SEMA4B: variants seen among roughly 807,000 people sequenced by gnomAD.
SEMA4B encodes semaphorin 4B, also known as semaphorin-4B.
SEMA4B carries 55 observed loss-of-function variants against 88.1 expected under a neutral mutation model. The ratio of observed to expected loss-of-function variants is 0.62; its 90% CI spans 0.50 to 0.78. The LOEUF is 0.78. Ranked by LOEUF, SEMA4B falls within the 30% of genes least tolerant of loss-of-function variation. SEMA4B has a pLI of 0.00. For synonymous variants in SEMA4B, 525 were observed against 473.6 expected (o/e 1.11, Z -1.41); for missense variants, 1,062 against 1,111.9 (o/e 0.96, Z 0.64).
intron 1 of SEMA4B, among the ~76,000 whole-genome samples, chr15:90,188,342 AAGT>A (rs761917384): frequency 2.7e-5 from 4 of 149,152 alleles, no homozygotes; most frequent in Non-Finnish European, 4.4e-5. Context: ...AATAAAATAA[AAGT>A]AGCCAGGCGA....
chr15:90,224,175 C>T (rs1962022885), intron 9 of SEMA4B, among the ~76,000 whole-genome samples, 187 bp downstream of exon 9: 1 of 152,200 alleles, frequency 6.6e-6, no homozygotes, highest in Non-Finnish European at 1.5e-5. Context: ...GTATGAATGT[C>T]AGAATATCTT....
chr15:90,225,091 C>T lies in SEMA4B; in HGVS notation c.1318C>T (p.Leu440=), dbSNP rs1962078165. ...GCAGGTCCGAAGCCGCATGCTGCTG[C>T]TGCAGCCCCAGGCTCGCTACCAGCG... is the stretch of plus-strand genomic sequence containing the variant. ...DGQVRSRMLL[L]QPQARYQRVA... Residue 440 remains leucine (L), a synonymous_variant, in exon 10 of 14, where the codon CTG becomes TTG. Transcript: ENST00000411539. The T allele has an allele frequency of 1.2e-6, 2 of 1,613,700 alleles. No individual in the cohort carries two copies. Among genetic ancestry groups the T allele is most frequent in the Non-Finnish European group, 8.5e-7 (1 of 1,179,878 alleles).
chr15:90,225,605 G>A lies in SEMA4B; in HGVS notation c.1522-56G>A. 14 of 1,533,348 alleles carry A rather than the reference G, an allele frequency of 9.1e-6. No individual in the cohort carries two copies. In the South Asian group the frequency reaches 1.2e-4, roughly 13 times the overall value. 95.0% of individuals were successfully genotyped at this position (1,533,348 alleles called of 1,614,324 possible). ...GGAGGCATACAAGCCGGGTGGCCATGGGTGATGGCCCTGGCTGCCCATGCC... is the reference window on the plus strand; with the variant it reads ...GGAGGCATACAAGCCGGGTGGCCATAGGTGATGGCCCTGGCTGCCCATGCC... On this transcript the variant is annotated intron_variant, in intron 11 of 13. Coordinates refer to ENST00000411539, the MANE Select transcript of SEMA4B (RefSeq NM_198925.4).
chr15:90,189,515 A>G (rs1310741069), intron 1 of SEMA4B, among the ~76,000 whole-genome samples: 3 of 152,224 alleles, frequency 2.0e-5, no homozygotes, highest in African/African-American at 7.2e-5. Context: ...AATTTGGCAC[A>G]ATCCTCACTT....
At chr15:90,215,020 T>C (rs1961464691) in intron 1 of SEMA4B, 1 of 1,258,420 alleles carries the variant, frequency 7.9e-7, no homozygotes, top group Admixed American at 2.5e-5. Flanking sequence ...TTGCACTTTT[T>C]GCTTCCTCAG....
At chr15:90,221,292 G>T (rs1961822833) in intron 5 of SEMA4B, 75 bp from the exon 6 acceptor site, 1 of 1,336,870 alleles carries the variant, frequency 7.5e-7, no homozygotes, top group South Asian at 1.3e-5. Flanking sequence ...GCAGTGCTGG[G>T]GTCACTCTGG....
chr15:90,224,882 G>T, intron 9 of SEMA4B, 86 bp from the exon 10 acceptor site: 1 of 1,132,232 alleles, frequency 8.8e-7, no homozygotes, highest in East Asian at 2.4e-5. Flanking sequence ...GACAGACACC[G>T]CTACTGTCCA....
In SEMA4B at chr15:90,201,598, G is replaced by T. The variant is rs1249340297; in HGVS notation, c.20G>T (p.Gly7Val). 2.0e-6 allele frequency: 3 copies of T among 1,516,998 alleles called. No homozygotes were observed. Among genetic ancestry groups the T allele is most frequent in the Non-Finnish European group, 1.8e-6 (2 of 1,140,074 alleles). The allele number at this position is 1,516,998 out of a possible 1,614,324, so 94.0% of individuals were successfully genotyped here. Residue 7 changes from glycine to valine, a missense_variant, in exon 1 of 14, where the codon GGC becomes GTC. Coordinates refer to ENST00000411539, the MANE Select transcript of SEMA4B (RefSeq NM_198925.4). MLRTAM[G>V]LRSWLAAPWG... Reference sequence around the variant, plus strand: ...CTCCGAATGCTGCGCACCGCGATGGGCCTGAGGAGCTGGCTCGCCGCCCCA... The same window carrying T: ...CTCCGAATGCTGCGCACCGCGATGGTCCTGAGGAGCTGGCTCGCCGCCCCA...
At chr15:90,185,968 C>T (rs765073052) in intron 1 of SEMA4B, among the ~76,000 whole-genome samples, 2 of 109,764 alleles carry the variant, frequency 1.8e-5, no homozygotes, top group African/African-American at 7.1e-5. Context: ...GAGTCTTGCT[C>T]TATCCTCCAG....
intron 1 of SEMA4B, among the ~76,000 whole-genome samples, chr15:90,186,488 G>C (rs1055902542): frequency 1.3e-5 from 2 of 151,936 alleles, no homozygotes; most frequent in Non-Finnish European, 2.9e-5. Context: ...GCATGGTGGC[G>C]CATGCCTGTA....
chr15:90,228,347 C>T lies in SEMA4B; in HGVS notation c.2218C>T (p.His740Tyr), dbSNP rs1238931386. 6.2e-6 allele frequency: 10 copies of T among 1,601,444 alleles called. No homozygotes were observed. The highest frequency in any genetic ancestry group is 8.5e-6 in the Non-Finnish European group (10 of 1,173,418). Residue 740 changes from histidine to tyrosine, a missense_variant, in exon 14 of 14, where the codon CAC becomes TAC. His to Tyr is a moderately conservative substitution (Grantham distance 83). Coordinates refer to ENST00000411539, the MANE Select transcript of SEMA4B (RefSeq NM_198925.4). ...CCCAGTTTTATTCTTGCTCTACCGG[C>T]ACCGGAACAGCATGAAAGTCTTCCT... ...LLPVLFLLYR[H>Y]RNSMKVFLKQ...
rs1962333716 is a variant in SEMA4B, at chr15:90,228,611, C to A, written c.2482C>A (p.Leu828Ile). Residue 828 changes from leucine (L) to isoleucine (I), a missense_variant, in exon 14 of 14, where the codon CTT (leucine) becomes ATT (isoleucine). Coordinates refer to ENST00000411539, the MANE Select transcript of SEMA4B (RefSeq NM_198925.4). Reference sequence around the variant, plus strand: ...AGTGTGCCCCCGGCCCCGGGTCCGCCTTGGCTCGGAGATCCGTGACTCTGT... The same window carrying A: ...AGTGTGCCCCCGGCCCCGGGTCCGCATTGGCTCGGAGATCCGTGACTCTGT... ...SPVCPRPRVR[L>I]GSEIRDSVV 6.2e-7 allele frequency: 1 copy of A among 1,613,456 alleles called. No homozygotes were observed. Among genetic ancestry groups the A allele is most frequent in the South Asian group, 1.1e-5 (1 of 91,090 alleles).
intron 3 of SEMA4B, 160 bp downstream of exon 3, chr15:90,217,989 A>G: frequency 1.6e-6 from 1 of 615,158 alleles, no homozygotes. Context: ...TCCCAGCACT[A>G]CACTTACATC....
chr15:90,226,120 G>A (rs562807060), intron 12 of SEMA4B, among the ~76,000 whole-genome samples: 99 of 152,268 alleles, frequency 6.5e-4, no homozygotes, highest in Non-Finnish European at 1.1e-3. Context: ...TTTAGTAATA[G>A]TAGGGCTAGG....
upstream of SEMA4B, among the ~76,000 whole-genome samples, chr15:90,198,810 T>A (rs1960599488): frequency 6.6e-6 from 1 of 152,086 alleles, no homozygotes; most frequent in African/African-American, 2.4e-5. Flanking sequence ...TCATTGTGAA[T>A]GAGATGGGGG....
chr15:90,191,290 G>A (rs1362841843), intron 1 of SEMA4B, among the ~76,000 whole-genome samples: 5 of 152,238 alleles, frequency 3.3e-5, no homozygotes, highest in African/African-American at 4.8e-5. Context: ...CTCCCCATGA[G>A]AGTTGCAGCC....
chr15:90,205,857 T>G (rs1960962781), intron 1 of SEMA4B, among the ~76,000 whole-genome samples: 1 of 152,192 alleles, frequency 6.6e-6, no homozygotes, highest in Admixed American at 6.5e-5. Flanking sequence ...TCCTGCTTAA[T>G]TATAGCCCAG....
In SEMA4B at chr15:90,227,486, GC is replaced by G. The variant is rs1962228712; in HGVS notation, c.1689-70del. ...AAGGCCCTTGCCCAGGCCCAAGTCT[GC>G]AGTGAGGGGTGAGGGAATGTGAGCT... On this transcript the variant is annotated intron_variant, in intron 12 of 13. Transcript: ENST00000411539. 9 of 1,446,840 alleles carry G rather than the reference GC, an allele frequency of 6.2e-6. No individual in the cohort carries two copies. In the Admixed American group the frequency reaches 1.7e-4, roughly 27 times the overall value. The allele number at this position is 1,446,840 out of a possible 1,614,324, so 89.6% of individuals were successfully genotyped here.
chr15:90,200,696 C>T (rs947981363), upstream of SEMA4B, among the ~76,000 whole-genome samples: 2 of 152,202 alleles, frequency 1.3e-5, no homozygotes, highest in African/African-American at 2.4e-5. Context: ...ACCTCCTCAG[C>T]AGTACATTAA....
Sources: gnomAD v4.1 joint callset for allele counts (sites outside exome capture counted in the v4.1 genomes callset) on GRCh38, gnomAD v4.1.1 for gene constraint, MANE v1.5 for transcripts, NCBI Gene and HGNC (gene_info 2026-07-23, HGNC 2026-07-21) for gene names.